RTL9: variants seen among roughly 807,000 people sequenced by gnomAD.
The protein encoded by RTL9 is retrotransposon Gag like 9.
In RTL9, 19 loss-of-function variants were observed where a neutral mutation model predicts 44.7. The observed-to-expected ratio is 0.42, with a 90% CI of 0.30 to 0.62. RTL9 has a LOEUF of 0.62. Ranked by LOEUF, RTL9 falls within the 20% of genes least tolerant of loss-of-function variation. The pLI is 0.16. For missense variants in RTL9, 1,105 were observed against 1,080.6 expected (o/e 1.02, Z -0.32); for synonymous variants, 407 against 398.9 (o/e 1.02, Z -0.24).
chrX:110,455,221 G>A, exon 2 of RTL9: 1 of 1,209,827 alleles, frequency 8.3e-7, no homozygotes, highest in South Asian at 1.8e-5. Flanking sequence ...GTTTCCAAAC[G>A]CTGTTACTAC....
chrX:110,404,496 T>G (rs1405919437), intron 1 of RTL9, among the ~76,000 whole-genome samples: 1 of 112,089 alleles, frequency 8.9e-6, no homozygotes, highest in East Asian at 2.8e-4. Flanking sequence ...CTGAGCATGC[T>G]GGTTGGTAAT....
intron 1 of RTL9, among the ~76,000 whole-genome samples, chrX:110,377,122 C>G (rs2068382289): frequency 9.0e-6 from 1 of 111,499 alleles, no homozygotes. Flanking sequence ...TTCCCCTAGC[C>G]TTGAAGATAC....
chrX:110,452,816 G>A, exon 1 of RTL9: 1 of 1,211,948 alleles, frequency 8.3e-7, no homozygotes, highest in Non-Finnish European at 1.1e-6. Context: ...GGATGTCCAT[G>A]TCGCCCATGA....
At chrX:110,451,845 G>T (rs191731262) in exon 1 of RTL9, 1 of 1,210,421 alleles carries the variant, frequency 8.3e-7, no homozygotes, top group Admixed American at 2.2e-5. Context: ...AGATTCTGGA[G>T]CAATGTCCAC....
At chrX:110,413,488 T>C (rs768209069) in intron 1 of RTL9, among the ~76,000 whole-genome samples, 3 of 109,715 alleles carry the variant, frequency 2.7e-5, no homozygotes, top group Admixed American at 9.7e-5. Flanking sequence ...CGTTGACGCT[T>C]CTTTATAACC....
At chrX:110,369,333 G>A (rs751244078) in intron 1 of RTL9, among the ~76,000 whole-genome samples, 41 of 110,918 alleles carry the variant, frequency 3.7e-4, no homozygotes, top group African/African-American at 1.3e-3. Flanking sequence ...TTCTGTCTCA[G>A]TAAAAGAAAA....
At chrX:110,434,326 T>C (rs1205824355) in intron 1 of RTL9, among the ~76,000 whole-genome samples, 1 of 111,256 alleles carries the variant, frequency 9.0e-6, no homozygotes, top group Non-Finnish European at 1.9e-5. Context: ...TTAAGGCAGA[T>C]TCGGGACAGA....
intron 1 of RTL9, among the ~76,000 whole-genome samples, chrX:110,407,999 G>A (rs1309730277): frequency 8.9e-6 from 1 of 112,537 alleles, no homozygotes; most frequent in African/African-American, 3.2e-5. Flanking sequence ...CAGAGTGGAA[G>A]AGCTGGCATA....
chrX:110,453,057 G>C, exon 1 of RTL9: 2 of 1,211,084 alleles, frequency 1.7e-6, no homozygotes, highest in Non-Finnish European at 2.2e-6. Flanking sequence ...GAGATCCCCA[G>C]CTTATGGAGC....
intron 1 of RTL9, among the ~76,000 whole-genome samples, chrX:110,374,635 C>A (rs1602942812): frequency 8.9e-6 from 1 of 111,828 alleles, no homozygotes; most frequent in East Asian, 2.8e-4. Context: ...GGTGAGATCA[C>A]TGAGAGCTAG....
chrX:110,423,755 TAGC>T (rs992987407), intron 1 of RTL9, among the ~76,000 whole-genome samples: 69 of 112,534 alleles, frequency 6.1e-4, no homozygotes, highest in African/African-American at 1.6e-3. Context: ...TGATGTGAAA[TAGC>T]AGCTTCTCTC....
Position 110,372,325 on chromosome X carries a change from TA to T in RTL9, c.-168+13414del, listed in dbSNP as rs1476234835. Reference sequence around the variant, plus strand: ...AAAGAAATGCCTACACATTATTTTTTAAAAATTAAAATGAAAAGAAAAAAGT... The same window carrying T: ...AAAGAAATGCCTACACATTATTTTTTAAAATTAAAATGAAAAGAAAAAAGT... On this transcript the variant is annotated intron_variant, in intron 1 of 2. Coordinates refer to the RTL9 transcript ENST00000520821. Among the ~76,000 whole-genome samples the T allele has an allele frequency of 2.7e-5, 3 of 112,743 alleles. No homozygotes were observed. In the East Asian group the frequency reaches 8.3e-4, roughly 31 times the overall value.
intron 1 of RTL9, among the ~76,000 whole-genome samples, chrX:110,426,295 C>G (rs1263718001): frequency 8.9e-6 from 1 of 111,894 alleles, no homozygotes; most frequent in East Asian, 2.8e-4. Flanking sequence ...TCTATCATGT[C>G]TCTATCTTGT....
intron 1 of RTL9, among the ~76,000 whole-genome samples, chrX:110,409,950 G>A (rs1350572838): frequency 8.9e-6 from 1 of 112,125 alleles, no homozygotes; most frequent in Non-Finnish European, 1.9e-5. Context: ...CAGGAATGCT[G>A]TTGAAATACA....
intron 1 of RTL9, among the ~76,000 whole-genome samples, chrX:110,392,423 T>C (rs1205876724): frequency 9.1e-6 from 1 of 110,396 alleles, no homozygotes; most frequent in Non-Finnish European, 1.9e-5. Flanking sequence ...CTTACAGTCA[T>C]GTGCCGTCAT....
At chrX:110,376,040 A>G (rs1233323471) in intron 1 of RTL9, among the ~76,000 whole-genome samples, 1 of 111,772 alleles carries the variant, frequency 8.9e-6, no homozygotes. Context: ...GTGATGTGGA[A>G]ACTGAGATTC....
chrX:110,434,959 T>A (rs1472027224), intron 1 of RTL9, among the ~76,000 whole-genome samples: 2 of 108,188 alleles, frequency 1.8e-5, no homozygotes, highest in Admixed American at 9.8e-5. Flanking sequence ...CCCAGAAACA[T>A]CATCCCTTTC....
At chrX:110,432,198 A>C (rs2068802105) in intron 1 of RTL9, among the ~76,000 whole-genome samples, 1 of 112,154 alleles carries the variant, frequency 8.9e-6, no homozygotes, top group African/African-American at 3.2e-5. Context: ...TTGCCAGGAG[A>C]GCACATCTGT....
chrX:110,405,190 T>A (rs763216932), intron 1 of RTL9, among the ~76,000 whole-genome samples: 1 of 109,927 alleles, frequency 9.1e-6, no homozygotes, highest in East Asian at 2.9e-4. Context: ...TCATTCTTTT[T>A]AAAAAGGTCA....
Sources: gnomAD v4.1 joint callset for allele counts (sites outside exome capture counted in the v4.1 genomes callset) on GRCh38, gnomAD v4.1.1 for gene constraint, MANE v1.5 for transcripts, NCBI Gene and HGNC (gene_info 2026-07-23, HGNC 2026-07-21) for gene names.